The following NT5DC4 variants were observed in gnomAD, a reference collection of about 807,000 sequenced individuals.
The protein encoded by NT5DC4 is 5'-nucleotidase domain containing 4.
NT5DC4 carries 44 observed loss-of-function variants against 26.6 expected under a neutral mutation model. The ratio of observed to expected loss-of-function variants is 1.65; its 90% CI spans 1.30 to 2.13. The LOEUF (loss-of-function observed/expected upper bound fraction) is 2.13, where lower values mean the gene tolerates loss of function less well. Among genes scored for constraint, NT5DC4 ranks in the 30% most tolerant of loss-of-function variants. NT5DC4 has a pLI of 0.00. For missense variants in NT5DC4, 399 were observed against 228.1 expected (o/e 1.75, Z -4.83); for synonymous variants, 157 against 86.7 (o/e 1.81, Z -4.51).
chr2:112,735,440 C>T (rs1042545839), intron 16 of NT5DC4, among the ~76,000 whole-genome samples: 2 of 152,134 alleles, frequency 1.3e-5, no homozygotes, highest in African/African-American at 4.8e-5. Context: ...CCTCTGTCTT[C>T]TGGTTCATGG....
In NT5DC4 at chr2:112,729,639, T is replaced by C; in HGVS notation, c.1279T>C (p.Ser427Pro). 1.4e-6 allele frequency: 1 copy of C among 717,794 alleles called. No homozygotes were observed. The highest frequency in any genetic ancestry group is 2.6e-6 in the Non-Finnish European group (1 of 385,160). The allele number at this position is 717,794 out of a possible 1,614,324, so 44.5% of individuals were successfully genotyped here. ...TTTATCCCTACAGATGCCACATGAG[T>C]CAGTTGTGGAGCAAGAACAGGCCAA... ...TKREIQMPHE[S>P]VVEQEQANLD... The change falls in exon 16 of 17, where the codon TCA (serine) becomes CCA (proline). Residue 427 changes from serine (S) to proline (P), a missense_variant. Ser to Pro is a moderately conservative substitution (Grantham distance 74, BLOSUM62 -1). Transcript: ENST00000688554.
At chr2:112,742,628 T>C (rs1029969186), downstream of NT5DC4, 5 of 999,116 alleles carry the variant, frequency 5.0e-6, no homozygotes, top group African/African-American at 6.5e-5. Flanking sequence ...GATTCTTTTC[T>C]TCTTTTTCCT....
chr2:112,722,013 T>TGGTGTGCAGG lies in NT5DC4; in HGVS notation c.177_178insGTGTGCAGGG (p.Thr60ValfsTer20). On this transcript the variant is annotated frameshift_variant, in exon 3 of 17. Coordinates refer to ENST00000688554, the MANE Select transcript of NT5DC4 (RefSeq NM_001393655.1). LOFTEE classifies it high-confidence loss of function. ...TACAAGTCCCCAGCTTATGAGGCCC[T>TGGTGTGCAGG]GACCTTCGAGCTGCTGCTGGAGCGC... is the stretch of plus-strand genomic sequence containing the variant. 2 of 717,292 alleles carry TGGTGTGCAGG rather than the reference T, an allele frequency of 2.8e-6. No homozygotes were observed. Among genetic ancestry groups the TGGTGTGCAGG allele is most frequent in the Middle Eastern group, 4.6e-4 (2 of 4,372 alleles). The allele number at this position is 717,292 out of a possible 1,614,324, so 44.4% of individuals were successfully genotyped here. A position where few individuals can be genotyped will look rare whatever the true frequency, so the allele number is the denominator to read the frequency against.
At chr2:112,740,988 T>G (rs754686161), downstream of NT5DC4, 1 of 1,612,636 alleles carries the variant, frequency 6.2e-7, no homozygotes, top group Non-Finnish European at 8.5e-7. Context: ...TTTCAGCAAC[T>G]AAAGAGTCAG....
chr2:112,729,982 A>G (rs1678286029), intron 16 of NT5DC4, among the ~76,000 whole-genome samples: 1 of 152,184 alleles, frequency 6.6e-6, no homozygotes, highest in Non-Finnish European at 1.5e-5. Context: ...ATTTCAATTC[A>G]GGATGGAAAA....
Position 112,725,456 on chromosome 2 carries a change from G to C in NT5DC4, c.1057G>C (p.Gly353Arg), listed in dbSNP as rs1424767938. The C allele has an allele frequency of 1.4e-6, 1 of 717,180 alleles. No homozygotes were observed. Among genetic ancestry groups the C allele is most frequent in the East Asian group, 2.7e-5 (1 of 37,272 alleles). The allele number at this position is 717,180 out of a possible 1,614,324, so 44.4% of individuals were successfully genotyped here. The change falls in exon 13 of 17, where the codon GGG (glycine) becomes CGG (arginine). Residue 353 changes from glycine to arginine, a missense_variant. Transcript: ENST00000688554. ...CCTGTACATTGGGGACCACATTTTT[G>C]GGGACATTCTCAAGTCCAAGAAGCG... is the stretch of plus-strand genomic sequence containing the variant. Reference protein sequence around the residue: ...DILYIGDHIFGDILKSKKRQG... With the variant: ...DILYIGDHIFRDILKSKKRQG...
intron 16 of NT5DC4, among the ~76,000 whole-genome samples, chr2:112,734,167 A>ATGTGTGTGTGTGTG (rs1380428965): frequency 5.1e-3 from 27 of 5,270 alleles, no homozygotes; most frequent in African/African-American, 0.011. Context: ...GCTATTATAT[A>ATGTGTGTGTGTGTG]TATGTGTGTG....
At chr2:112,742,823 T>C (rs984578379), downstream of NT5DC4, 2 of 1,310,766 alleles carry the variant, frequency 1.5e-6, no homozygotes, top group African/African-American at 1.5e-5. Context: ...TGCAAAAAAT[T>C]TGCTAAGGAA....
At chr2:112,719,924 CTCTTTCTTTCTTTCTTTCTT>C (rs35714262), upstream of NT5DC4, among the ~76,000 whole-genome samples, 1,279 of 68,970 alleles carry the variant, frequency 0.019, 21 homozygotes, top group Middle Eastern at 0.033. Flanking sequence ...TTCTTTCTTT[CTCTTTCTTTCTTTCTTTCTT>C]TCTTTCTTTC....
At chr2:112,720,239 G>A (rs1210548896), upstream of NT5DC4, among the ~76,000 whole-genome samples, 5 of 134,458 alleles carry the variant, frequency 3.7e-5, no homozygotes, top group East Asian at 2.1e-4. Context: ...TTTTTTCTTC[G>A]TATTTTTAGT....
At chr2:112,719,478 TG>T (rs1676623209), upstream of NT5DC4, among the ~76,000 whole-genome samples, 1 of 133,974 alleles carries the variant, frequency 7.5e-6, no homozygotes, top group Non-Finnish European at 1.6e-5. Flanking sequence ...TAAACTTGTC[TG>T]TCTTTTTTTT....
chr2:112,742,647 T>C (rs1680050170), downstream of NT5DC4: 2 of 1,122,842 alleles, frequency 1.8e-6, no homozygotes, highest in African/African-American at 1.6e-5. Context: ...CTATATGTCC[T>C]GGATGATTTT....
intron 15 of NT5DC4, among the ~76,000 whole-genome samples, chr2:112,729,193 G>A (rs555928371): frequency 6.6e-6 from 1 of 152,258 alleles, no homozygotes; most frequent in Admixed American, 6.5e-5. Flanking sequence ...TGCAATCTCT[G>A]CTCAATGCAA....
At chr2:112,740,822 G>A (rs753333699), downstream of NT5DC4, 38 of 1,606,648 alleles carry the variant, frequency 2.4e-5, 1 homozygote, top group East Asian at 7.6e-4. Context: ...GCTTACCTAG[G>A]GATTGGACCA....
intron 15 of NT5DC4, 67 bp downstream of exon 15, chr2:112,726,805 G>C: frequency 1.4e-6 from 1 of 716,142 alleles, no homozygotes; most frequent in Admixed American, 2.0e-5. Flanking sequence ...CTTCCCCACT[G>C]CTTGCCTGTC....
intron 16 of NT5DC4, among the ~76,000 whole-genome samples, chr2:112,730,760 A>G (rs1448817675): frequency 6.6e-6 from 1 of 152,148 alleles, no homozygotes; most frequent in East Asian, 1.9e-4. Context: ...TTTACTGAGC[A>G]CCTCCTGTGT....
chr2:112,738,707 G>A (rs1679574642), intron 16 of NT5DC4: 5 of 674,156 alleles, frequency 7.4e-6, no homozygotes, highest in Non-Finnish European at 1.3e-5. Flanking sequence ...CTTAAGTCCT[G>A]AGCGTCCATA....
chr2:112,739,584 AC>A (rs375766812), downstream of NT5DC4, among the ~76,000 whole-genome samples: 15 of 152,340 alleles, frequency 9.8e-5, no homozygotes, highest in East Asian at 2.9e-3. Context: ...AACTTTCAAA[AC>A]AGATGACAAG....
chr2:112,738,600 T>C, intron 16 of NT5DC4: 1 of 541,538 alleles, frequency 1.8e-6, no homozygotes, highest in Non-Finnish European at 3.3e-6. Flanking sequence ...AAGTTTGAAA[T>C]TTATGTATAC....
Sources: allele counts gnomAD v4.1 joint callset (sites outside exome capture counted in the v4.1 genomes callset), GRCh38; gene constraint gnomAD v4.1.1; transcripts MANE v1.5; gene names NCBI Gene and HGNC (gene_info 2026-07-23, HGNC 2026-07-21).